HAT1: variants seen among roughly 807,000 people sequenced by gnomAD.
HAT1 encodes histone acetyltransferase type B catalytic subunit.
A neutral mutation model predicts 56.6 loss-of-function variants in HAT1; 20 were observed. The observed-to-expected ratio is 0.35, with a 90% CI of 0.25 to 0.51. HAT1 has a LOEUF of 0.51. Ranked by LOEUF, HAT1 falls within the 20% of genes least tolerant of loss-of-function variation. The pLI is 0.95. For synonymous variants in HAT1, 146 were observed against 165.5 expected (o/e 0.88, Z 0.91); for missense variants, 408 against 504.3 (o/e 0.81, Z 1.83).
intron 2 of HAT1, among the ~76,000 whole-genome samples, chr2:171,926,443 G>A (rs1180870756): frequency 2.0e-5 from 3 of 152,104 alleles, no homozygotes; most frequent in Non-Finnish European, 4.4e-5. Flanking sequence ...ACAGGCATGC[G>A]CCACCACGCC....
intron 4 of HAT1, among the ~76,000 whole-genome samples, chr2:171,958,863 G>A (rs2105330228): frequency 1.3e-5 from 2 of 152,232 alleles, no homozygotes; most frequent in South Asian, 4.1e-4. Flanking sequence ...ATTGTGCGTA[G>A]CATGAAAAAG....
chr2:171,957,584 T>G (rs1687479088), intron 4 of HAT1, among the ~76,000 whole-genome samples: 1 of 152,072 alleles, frequency 6.6e-6, no homozygotes, highest in South Asian at 2.1e-4. Flanking sequence ...TGGGCTTGAG[T>G]TGATATGGTA....
chr2:171,935,804 A>G (rs960236154), intron 2 of HAT1, among the ~76,000 whole-genome samples: 1 of 151,812 alleles, frequency 6.6e-6, no homozygotes, highest in Non-Finnish European at 1.5e-5. Context: ...TGAGCCTGGG[A>G]GGTTGAGGTT....
intron 9 of HAT1, among the ~76,000 whole-genome samples, chr2:171,977,547 ATATATATATATTTTTTTTTT>A: frequency 7.0e-5 from 1 of 14,338 alleles, no homozygotes; most frequent in Non-Finnish European, 1.2e-4. Flanking sequence ...ATATATATAT[ATATATATATATTTTTTTTTT>A]TTTTTTTTTT....
chr2:171,949,163 T>G (rs1156358635), intron 3 of HAT1, among the ~76,000 whole-genome samples: 1 of 152,158 alleles, frequency 6.6e-6, no homozygotes, highest in East Asian at 1.9e-4. Context: ...AGAGCTCTTC[T>G]TCTTCTTCTT....
intron 4 of HAT1, among the ~76,000 whole-genome samples, chr2:171,963,861 A>C (rs1183951424): frequency 6.6e-6 from 1 of 152,198 alleles, no homozygotes; most frequent in East Asian, 1.9e-4. Context: ...TGTCCTATGA[A>C]ATGCAGTTTA....
At chr2:171,943,970 C>A (rs1687093241) in intron 2 of HAT1, among the ~76,000 whole-genome samples, 1 of 151,746 alleles carries the variant, frequency 6.6e-6, no homozygotes, top group African/African-American at 2.4e-5. Flanking sequence ...CAACAAAGAC[C>A]CCCATCTGTA....
chr2:171,946,680 AT>A, intron 2 of HAT1, 27 bp from the exon 3 acceptor site: 1 of 1,283,762 alleles, frequency 7.8e-7, no homozygotes, highest in Non-Finnish European at 1.1e-6. Flanking sequence ...TATCTTTAAT[AT>A]CTCTATTTTT....
intron 2 of HAT1, among the ~76,000 whole-genome samples, chr2:171,928,243 G>C (rs1031577696): frequency 1.3e-5 from 2 of 152,154 alleles, no homozygotes; most frequent in African/African-American, 4.8e-5. Flanking sequence ...CTAGGTGCTA[G>C]GTGAACACAT....
chr2:171,965,985 T>C, intron 6 of HAT1, 77 bp downstream of exon 6: 1 of 1,236,074 alleles, frequency 8.1e-7, no homozygotes, highest in Non-Finnish European at 1.2e-6. Flanking sequence ...AGCCCAATTA[T>C]TGGGACAGTA....
At chr2:171,939,175 T>A (rs997092699) in intron 2 of HAT1, among the ~76,000 whole-genome samples, 3 of 152,190 alleles carry the variant, frequency 2.0e-5, no homozygotes, top group African/African-American at 7.2e-5. Flanking sequence ...AGGGTTCTTT[T>A]GTGGTTGGGA....
chr2:171,972,843 T>A (rs1687854064), intron 8 of HAT1, among the ~76,000 whole-genome samples: 1 of 152,242 alleles, frequency 6.6e-6, no homozygotes, highest in Non-Finnish European at 1.5e-5. Flanking sequence ...TATTTCCAGA[T>A]AATCACCTGC....
Position 171,953,626 on chromosome 2 carries a change from T to TAAA in HAT1, c.309+652_309+654dup, listed in dbSNP as rs587686867. Among the ~76,000 whole-genome samples, 174 of 84,584 alleles carry TAAA rather than the reference T, an allele frequency of 2.1e-3. 5 individuals are homozygous for TAAA. The highest frequency in any genetic ancestry group is 7.8e-3 in the Middle Eastern group (1 of 128). 55.5% of individuals were successfully genotyped at this position (84,584 alleles called of 152,430 possible). On this transcript the variant is annotated intron_variant, in intron 4 of 10. Coordinates refer to ENST00000264108, the MANE Select transcript of HAT1 (RefSeq NM_003642.4). ...GGCAACAGAACAAGACCCTGTCTCT[T>TAAA]AAAAAAAAAAAAAAAAAAAAAAAAA...
intron 3 of HAT1, 113 bp downstream of exon 3, chr2:171,946,896 T>C: frequency 3.4e-6 from 2 of 596,396 alleles, no homozygotes; most frequent in South Asian, 4.6e-5. Flanking sequence ...TAATGTGGTT[T>C]ATCTTAAAAT....
chr2:171,951,279 G>A (rs1687300935), intron 3 of HAT1, among the ~76,000 whole-genome samples: 1 of 152,012 alleles, frequency 6.6e-6, no homozygotes, highest in Non-Finnish European at 1.5e-5. Flanking sequence ...ATTTTAAATA[G>A]GTTTTACTTT....
intron 1 of HAT1, chr2:171,925,013 G>C (rs1222919134): frequency 6.7e-6 from 1 of 148,322 alleles, no homozygotes; most frequent in Non-Finnish European, 1.5e-5. Context: ...AGTATTCCTA[G>C]TTTATAAGCC....
intron 8 of HAT1, among the ~76,000 whole-genome samples, chr2:171,975,842 C>A (rs1186084020): frequency 6.6e-6 from 1 of 150,962 alleles, no homozygotes; most frequent in African/African-American, 2.4e-5. Flanking sequence ...TTTTTGTTTT[C>A]TTTTTCATTG....
intron 2 of HAT1, among the ~76,000 whole-genome samples, chr2:171,945,176 A>G (rs550227341): frequency 2.0e-5 from 3 of 151,442 alleles, no homozygotes; most frequent in Non-Finnish European, 2.9e-5. Flanking sequence ...CAGCCCTCCA[A>G]TTTTTCTTTA....
chr2:171,962,393 G>A (rs960689195), intron 4 of HAT1, among the ~76,000 whole-genome samples: 2 of 152,050 alleles, frequency 1.3e-5, no homozygotes, highest in African/African-American at 4.8e-5. Flanking sequence ...ATATCAGGTT[G>A]TATTCTGGTT....
Sources: gnomAD v4.1 joint callset for allele counts (sites outside exome capture counted in the v4.1 genomes callset) on GRCh38, gnomAD v4.1.1 for gene constraint, MANE v1.5 for transcripts, NCBI Gene and HGNC (gene_info 2026-07-23, HGNC 2026-07-21) for gene names.